PCDH15: variants seen among roughly 807,000 people sequenced by gnomAD.
The protein encoded by PCDH15 is protocadherin-15.
PCDH15 carries 129 observed loss-of-function variants against 178.5 expected under a neutral mutation model. The ratio of observed to expected loss-of-function variants is 0.72; its 90% CI spans 0.63 to 0.84. The LOEUF (loss-of-function observed/expected upper bound fraction) is 0.84. Among genes scored for constraint, PCDH15 ranks in the 40% least tolerant of loss-of-function variants. The pLI, the probability that PCDH15 is intolerant of heterozygous loss-of-function variation, is 0.00. For missense variants in PCDH15, 2,230 were observed against 2,099.9 expected, an observed-to-expected ratio of 1.06 and a Z score of -1.21; for synonymous variants, 800 against 732.0, an observed-to-expected ratio of 1.09 and a Z score of -1.50.
At chr10:55,442,470 T>TATATATATAATATA (rs5785132) in intron 2 of PCDH15, among the ~76,000 whole-genome samples, 1 of 124,692 alleles carries the variant, frequency 8.0e-6, no homozygotes, top group African/African-American at 3.2e-5. Flanking sequence ...TATATATATA[T>TATATATATAATATA]TATATATATA....
At chr10:54,501,903 T>C (rs1429811169) in intron 3 of PCDH15, among the ~76,000 whole-genome samples, 2 of 152,144 alleles carry the variant, frequency 1.3e-5, no homozygotes, top group Non-Finnish European at 2.9e-5. Flanking sequence ...AATTTTTGCA[T>C]GCATGCATGC....
intron 2 of PCDH15, among the ~76,000 whole-genome samples, chr10:54,920,468 CAAAAAAAAAAAA>C (rs71014429): frequency 5.2e-5 from 3 of 57,790 alleles, no homozygotes; most frequent in East Asian, 7.8e-4. Context: ...GACTGTGTCT[CAAAAAAAAAAAA>C]AAAAAAAAAA....
chr10:54,899,367 T>C (rs1954603715), intron 2 of PCDH15, among the ~76,000 whole-genome samples: 2 of 152,178 alleles, frequency 1.3e-5, no homozygotes, highest in Non-Finnish European at 2.9e-5. Context: ...CTTTTTCAGC[T>C]GTTTCTAAGA....
At chr10:54,615,238 G>C (rs906545798) in intron 2 of PCDH15, among the ~76,000 whole-genome samples, 5 of 152,014 alleles carry the variant, frequency 3.3e-5, no homozygotes, top group African/African-American at 1.2e-4. Context: ...AAAATAGAAG[G>C]GGGTTATTTC....
chr10:54,064,139 C>T (rs1050242794), intron 18 of PCDH15, among the ~76,000 whole-genome samples: 2 of 152,164 alleles, frequency 1.3e-5, no homozygotes, highest in Non-Finnish European at 2.9e-5. Flanking sequence ...AAGTGTGTAG[C>T]TCCTATCCAT....
chr10:54,763,199 G>A (rs1302587037), intron 1 of PCDH15, among the ~76,000 whole-genome samples: 3 of 152,056 alleles, frequency 2.0e-5, no homozygotes, highest in Non-Finnish European at 2.9e-5. Context: ...GGGTAATACC[G>A]GGGAAAAAGA....
chr10:54,959,801 T>C (rs1838593878), intron 2 of PCDH15, among the ~76,000 whole-genome samples: 1 of 152,064 alleles, frequency 6.6e-6, no homozygotes, highest in South Asian at 2.1e-4. Context: ...TGTCCAGTTT[T>C]CTTGTATAAA....
At chr10:54,937,698 C>T (rs1469722095) in intron 2 of PCDH15, among the ~76,000 whole-genome samples, 1 of 151,854 alleles carries the variant, frequency 6.6e-6, no homozygotes, top group African/African-American at 2.4e-5. Flanking sequence ...TTAATTATCA[C>T]TTTTAGTAAT....
At chr10:55,378,089 A>G (rs1837442991) in intron 2 of PCDH15, among the ~76,000 whole-genome samples, 1 of 152,122 alleles carries the variant, frequency 6.6e-6, no homozygotes, top group Admixed American at 6.6e-5. Context: ...GGATAGCATT[A>G]GGAGAAATAT....
intron 1 of PCDH15, among the ~76,000 whole-genome samples, chr10:54,688,572 A>G (rs546977842): frequency 6.6e-6 from 1 of 152,268 alleles, no homozygotes; most frequent in East Asian, 1.9e-4. Flanking sequence ...TAGGATTAAT[A>G]TTGAAAATAT....
intron 18 of PCDH15, among the ~76,000 whole-genome samples, chr10:54,062,852 A>C (rs1262293665): frequency 6.6e-6 from 1 of 151,500 alleles, no homozygotes; most frequent in Non-Finnish European, 1.5e-5. Context: ...GTGTGTTTTT[A>C]GTTATATATT....
intron 3 of PCDH15, among the ~76,000 whole-genome samples, chr10:54,826,603 C>A (rs1953136319): frequency 6.6e-6 from 1 of 151,730 alleles, no homozygotes; most frequent in Non-Finnish European, 1.5e-5. Flanking sequence ...TCTAATTCGA[C>A]TTATAATTAA....
intron 2 of PCDH15, among the ~76,000 whole-genome samples, chr10:54,966,169 G>A (rs912581326): frequency 1.3e-4 from 20 of 152,114 alleles, no homozygotes; most frequent in African/African-American, 4.8e-4. Flanking sequence ...GCTAAGAACA[G>A]AAGCTGGATT....
chr10:54,794,887 TAA>T (rs1300920063), intron 1 of PCDH15, among the ~76,000 whole-genome samples: 2 of 151,938 alleles, frequency 1.3e-5, no homozygotes, highest in African/African-American at 2.4e-5. Context: ...ACAAATTTAG[TAA>T]AAAGTTCTGA....
At chr10:54,849,790 C>T (rs1320571497) in intron 3 of PCDH15, among the ~76,000 whole-genome samples, 1 of 152,114 alleles carries the variant, frequency 6.6e-6, no homozygotes, top group Non-Finnish European at 1.5e-5. Flanking sequence ...ACTATAAATA[C>T]TTCCAGAGTG....
chr10:55,330,112 A>T (rs1844159671), intron 2 of PCDH15, among the ~76,000 whole-genome samples: 1 of 151,834 alleles, frequency 6.6e-6, no homozygotes, highest in Admixed American at 6.6e-5. Flanking sequence ...TCTTAGTAAA[A>T]TCAAATTTTC....
intron 1 of PCDH15, among the ~76,000 whole-genome samples, chr10:54,729,089 C>A (rs1942981478): frequency 6.6e-6 from 1 of 151,400 alleles, no homozygotes; most frequent in Admixed American, 6.6e-5. Flanking sequence ...TTACATGAAA[C>A]CAAAAAGAGC....
At chr10:54,030,548 C>T (rs1308469552) in intron 18 of PCDH15, among the ~76,000 whole-genome samples, 3 of 151,836 alleles carry the variant, frequency 2.0e-5, no homozygotes. Context: ...AGATAACTTG[C>T]ATAACTTGAA....
In PCDH15 at chr10:53,969,015, T is replaced by C. The variant is rs192787489; in HGVS notation, c.2869-7123A>G. On this transcript the variant is annotated intron_variant, in intron 21 of 37. Transcript: ENST00000644397. ...CTGGATGGAGAATGACTTTGAGGAGTTGAGAGAAGAAGGCTTCAGACCATC... is the reference window on the plus strand; with the variant it reads ...CTGGATGGAGAATGACTTTGAGGAGCTGAGAGAAGAAGGCTTCAGACCATC... 7.9e-5 allele frequency among the ~76,000 whole-genome samples: 12 copies of C among 152,030 alleles called. No homozygotes were observed. In the East Asian group the frequency reaches 2.3e-3, roughly 29 times the overall value.
Sources: allele counts gnomAD v4.1 joint callset (sites outside exome capture counted in the v4.1 genomes callset), GRCh38; gene constraint gnomAD v4.1.1; transcripts MANE v1.5; gene names NCBI Gene and HGNC (gene_info 2026-07-23, HGNC 2026-07-21).